MARCHF1: variants seen among roughly 807,000 people sequenced by gnomAD.
MARCHF1 encodes the protein membrane associated ring-CH-type finger 1.
In MARCHF1, 40 loss-of-function variants were observed where a neutral mutation model predicts 54.2. That is an observed-to-expected ratio of 0.74 (90% confidence interval 0.57 to 0.96). The LOEUF (loss-of-function observed/expected upper bound fraction) is 0.96, where lower values mean the gene tolerates loss of function less well. Among genes scored for constraint, MARCHF1 ranks in the 40% least tolerant of loss-of-function variants. The pLI is 0.00. For synonymous variants in MARCHF1, 236 were observed against 236.3 expected, an observed-to-expected ratio of 1.00 and a Z score of 0.01; for missense variants, 586 against 656.5, an observed-to-expected ratio of 0.89 and a Z score of 1.17.
Position 164,284,858 on chromosome 4 carries a change from C to T in MARCHF1, c.-323+99012G>A, listed in dbSNP as rs963985627. ...CGATACAACATGAAAAAATTAGATA[C>T]AAAATAACCCAAATATGGTTGAGCT... On this transcript the variant is annotated intron_variant, in intron 1 of 9. Transcript: ENST00000514618. Among the ~76,000 whole-genome samples, 3 of 151,078 alleles carry T rather than the reference C, an allele frequency of 2.0e-5. No homozygotes were observed. In the Admixed American group the frequency reaches 2.0e-4, roughly 10 times the overall value.
chr4:163,732,001 A>G (rs1745854375), intron 4 of MARCHF1, among the ~76,000 whole-genome samples: 1 of 152,146 alleles, frequency 6.6e-6, no homozygotes, highest in African/African-American at 2.4e-5. Flanking sequence ...CTAATATCCA[A>G]CTAGGTAAAA....
At chr4:164,262,072 T>A (rs1733481321) in intron 1 of MARCHF1, among the ~76,000 whole-genome samples, 1 of 145,716 alleles carries the variant, frequency 6.9e-6, no homozygotes, top group African/African-American at 2.5e-5. Context: ...ACCACTGCAC[T>A]CTAGCCTGGG....
intron 5 of MARCHF1, among the ~76,000 whole-genome samples, chr4:163,673,235 C>A (rs1743796239): frequency 2.6e-5 from 4 of 152,140 alleles, no homozygotes; most frequent in African/African-American, 9.7e-5. Context: ...TAAATAACTG[C>A]CCATTGATTT....
At chr4:164,211,768 G>A (rs931852741) in intron 1 of MARCHF1, among the ~76,000 whole-genome samples, 3 of 151,988 alleles carry the variant, frequency 2.0e-5, no homozygotes, top group African/African-American at 7.2e-5. Context: ...GGAATGAGTT[G>A]AAGTGAAAAG....
At position 164,007,646 on chromosome 4, in the gene MARCHF1, C is replaced by CTG. The variant is rs70948688; in HGVS notation, c.-247-18939_-247-18938dup. Among the ~76,000 whole-genome samples, 466 of 140,002 alleles carry CTG rather than the reference C, an allele frequency of 3.3e-3. 3 individuals are homozygous for CTG. Among genetic ancestry groups the CTG allele is most frequent in the African/African-American group, 0.012 (443 of 36,816 alleles). 91.8% of individuals were successfully genotyped at this position (140,002 alleles called of 152,430 possible). A position where few individuals can be genotyped will look rare whatever the true frequency, so the allele number is the denominator to read the frequency against. On this transcript the variant is annotated intron_variant, in intron 2 of 9. Coordinates refer to ENST00000514618, the MANE Select transcript of MARCHF1 (RefSeq NM_001394959.1). ...AGAATTTATTTCTCTCTCTCTCTCT[C>CTG]TGTGTGTGTGTGTGTGTGTGTGTGT...
chr4:164,340,395 A>C (rs1235005269), intron 1 of MARCHF1, among the ~76,000 whole-genome samples: 1 of 129,318 alleles, frequency 7.7e-6, no homozygotes, highest in South Asian at 2.4e-4. Flanking sequence ...ACATGCCACC[A>C]GGCCTTGATT....
chr4:164,081,326 G>A (rs1356820665), intron 2 of MARCHF1, among the ~76,000 whole-genome samples: 1 of 148,836 alleles, frequency 6.7e-6, no homozygotes, highest in Non-Finnish European at 1.5e-5. Flanking sequence ...TATGTCAGCA[G>A]ATCTTGTTCA....
chr4:163,707,134 C>CT (rs1744971220), intron 4 of MARCHF1, among the ~76,000 whole-genome samples: 1 of 151,950 alleles, frequency 6.6e-6, no homozygotes, highest in Admixed American at 6.6e-5. Context: ...ATTAAAAAAT[C>CT]TTTGAAATAA....
intron 5 of MARCHF1, among the ~76,000 whole-genome samples, chr4:163,615,473 T>G (rs567532587): frequency 6.6e-6 from 1 of 151,826 alleles, no homozygotes; most frequent in African/African-American, 2.4e-5. Context: ...AGAAATCCCA[T>G]TTATAATGAT....
intron 2 of MARCHF1, among the ~76,000 whole-genome samples, chr4:164,107,118 GT>G (rs911729832): frequency 6.6e-6 from 1 of 152,114 alleles, no homozygotes; most frequent in Non-Finnish European, 1.5e-5. Context: ...ACAAAGCTAT[GT>G]GCTAAAATGC....
chr4:164,048,029 G>A (rs1229264357), intron 2 of MARCHF1, among the ~76,000 whole-genome samples: 2 of 151,778 alleles, frequency 1.3e-5, no homozygotes, highest in Non-Finnish European at 2.9e-5. Flanking sequence ...TATTTTTTCT[G>A]TTAAAAAATT....
intron 1 of MARCHF1, among the ~76,000 whole-genome samples, chr4:164,375,132 T>C (rs550425418): frequency 1.3e-5 from 2 of 152,268 alleles, no homozygotes; most frequent in East Asian, 3.9e-4. Flanking sequence ...TTTAACTTCA[T>C]TAAAACCTAA....
intron 5 of MARCHF1, among the ~76,000 whole-genome samples, chr4:163,691,412 C>G (rs1176596924): frequency 7.2e-5 from 11 of 152,070 alleles, no homozygotes; most frequent in Non-Finnish European, 1.6e-4. Context: ...TACATATGTC[C>G]CTCAAGTGAT....
At chr4:164,377,048 A>G (rs1731213831) in intron 1 of MARCHF1, among the ~76,000 whole-genome samples, 2 of 152,216 alleles carry the variant, frequency 1.3e-5, no homozygotes, top group Non-Finnish European at 2.9e-5. Flanking sequence ...GGCAGGCACA[A>G]GAATCTATTC....
chr4:164,112,036 T>C (rs999682536), intron 1 of MARCHF1, among the ~76,000 whole-genome samples: 4 of 151,770 alleles, frequency 2.6e-5, no homozygotes, highest in Non-Finnish European at 5.9e-5. Context: ...AGAGGCAAAA[T>C]TTTAAAAGTC....
chr4:164,170,620 C>T (rs573662491), intron 1 of MARCHF1, among the ~76,000 whole-genome samples: 1 of 152,116 alleles, frequency 6.6e-6, no homozygotes, highest in Admixed American at 6.6e-5. Context: ...GTTAGGGTTG[C>T]CCAATAAATT....
chr4:163,802,555 GT>G (rs752950347), intron 4 of MARCHF1, among the ~76,000 whole-genome samples: 13 of 152,144 alleles, frequency 8.5e-5, no homozygotes, highest in Admixed American at 8.5e-4. Context: ...TAACTGCAGT[GT>G]TTTTTACAGG....
At chr4:163,712,701 C>T (rs1206397019) in intron 4 of MARCHF1, among the ~76,000 whole-genome samples, 2 of 152,088 alleles carry the variant, frequency 1.3e-5, no homozygotes, top group East Asian at 1.9e-4. Context: ...AGGATACATA[C>T]GAGAATTTCC....
chr4:164,199,030 T>G (rs1731363257), intron 1 of MARCHF1, among the ~76,000 whole-genome samples: 1 of 152,188 alleles, frequency 6.6e-6, no homozygotes, highest in South Asian at 2.1e-4. Context: ...CAGATTCCAC[T>G]AGTAAAATGC....
Sources: allele counts gnomAD v4.1 joint callset (sites outside exome capture counted in the v4.1 genomes callset), GRCh38; gene constraint gnomAD v4.1.1; transcripts MANE v1.5; gene names NCBI Gene and HGNC (gene_info 2026-07-23, HGNC 2026-07-21).